Variants in VRK2 observed in about 807,000 individuals in gnomAD.
The protein encoded by VRK2 is VRK serine/threonine kinase 2.
A neutral mutation model predicts 57.6 loss-of-function variants in VRK2; 60 were observed. The ratio of observed to expected loss-of-function variants is 1.04; its 90% CI spans 0.85 to 1.29. VRK2 has a LOEUF of 1.29. Among genes scored for constraint, VRK2 ranks in the 50% most tolerant of loss-of-function variants. The pLI is 0.00. For synonymous variants in VRK2, 231 were observed against 199.2 expected (o/e 1.16, Z -1.35); for missense variants, 705 against 588.1 (o/e 1.20, Z -2.06).
intron 12 of VRK2, among the ~76,000 whole-genome samples, chr2:58,156,695 C>T (rs1216598665): frequency 1.3e-5 from 2 of 151,942 alleles, no homozygotes; most frequent in Non-Finnish European, 2.9e-5. Flanking sequence ...CTGTATTTTT[C>T]AGTTCCACAA....
At chr2:58,013,952 T>G (rs182060386) in intron 1 of VRK2, among the ~76,000 whole-genome samples, 6 of 152,194 alleles carry the variant, frequency 3.9e-5, no homozygotes, top group Admixed American at 2.0e-4. Context: ...CTGCAAAATT[T>G]TGTTAATTTA....
At chr2:58,114,371 G>A (rs1220593926) in intron 7 of VRK2, among the ~76,000 whole-genome samples, 2 of 152,062 alleles carry the variant, frequency 1.3e-5, no homozygotes, top group African/African-American at 4.8e-5. Flanking sequence ...GGGCATGTAT[G>A]AGTAGTTGAG....
At chr2:58,063,648 A>G (rs892776735) in intron 2 of VRK2, among the ~76,000 whole-genome samples, 2 of 152,068 alleles carry the variant, frequency 1.3e-5, no homozygotes, top group African/African-American at 4.8e-5. Context: ...GTACAAGGAG[A>G]TTAATGTTGT....
intron 1 of VRK2, among the ~76,000 whole-genome samples, chr2:57,988,182 C>A (rs986815088): frequency 6.6e-6 from 1 of 152,122 alleles, no homozygotes; most frequent in Admixed American, 6.5e-5. Context: ...TTAAAAAAAA[C>A]TCATTTCATT....
At chr2:58,112,883 T>G (rs1675783599) in intron 7 of VRK2, among the ~76,000 whole-genome samples, 1 of 152,184 alleles carries the variant, frequency 6.6e-6, no homozygotes, top group African/African-American at 2.4e-5. Context: ...ATAAAGTCTT[T>G]TAGGTAATCT....
chr2:58,119,203 A>C (rs1382114795), intron 7 of VRK2, among the ~76,000 whole-genome samples: 1 of 151,960 alleles, frequency 6.6e-6, no homozygotes, highest in East Asian at 1.9e-4. Context: ...AGTTTCCTTT[A>C]ATTTAAAGTT....
At chr2:58,136,330 A>T (rs1325100173) in intron 10 of VRK2, among the ~76,000 whole-genome samples, 1 of 151,800 alleles carries the variant, frequency 6.6e-6, no homozygotes, top group Non-Finnish European at 1.5e-5. Flanking sequence ...TGTTTTCATA[A>T]TTGTCAATAA....
In VRK2 at chr2:58,139,632, G is replaced by A. The variant is rs2104606827; in HGVS notation, c.857-34G>A. On this transcript the variant is annotated intron_variant, in intron 10 of 12. Coordinates refer to ENST00000340157, the MANE Select transcript of VRK2 (RefSeq NM_006296.7). ...GGAGTCTTGACAATTCTTGCCAATT[G>A]TGAATGACATGTAAAAAATTTAATA... 3 of 1,591,424 alleles carry A rather than the reference G, an allele frequency of 1.9e-6. No individual in the cohort carries two copies. The East Asian group carries it at 6.7e-5, about 36-fold the overall frequency.
chr2:58,049,095 C>T (rs985536205), intron 2 of VRK2, 128 bp downstream of exon 2: 14 of 1,183,562 alleles, frequency 1.2e-5, no homozygotes, highest in Middle Eastern at 2.6e-4. Flanking sequence ...TGATTGTACT[C>T]GATTAAGTAA....
At chr2:57,911,343 A>G (rs762073293) in intron 1 of VRK2, among the ~76,000 whole-genome samples, 3 of 152,274 alleles carry the variant, frequency 2.0e-5, no homozygotes, top group Admixed American at 6.5e-5. Flanking sequence ...GGTTAAATAC[A>G]TTTGGGAAAC....
chr2:58,046,957 G>C, intron 1 of VRK2, 89 bp downstream of exon 1: 2 of 985,502 alleles, frequency 2.0e-6, no homozygotes, highest in Non-Finnish European at 2.4e-6. Flanking sequence ...AAGGGCTGCC[G>C]TCGGAGTTAG....
At chr2:58,100,398 A>G (rs1274578028) in intron 7 of VRK2, among the ~76,000 whole-genome samples, 1 of 151,938 alleles carries the variant, frequency 6.6e-6, no homozygotes, top group East Asian at 1.9e-4. Flanking sequence ...GAATAGTGTT[A>G]TATATTTTAG....
Position 57,923,248 on chromosome 2 carries a change from T to C in VRK2, c.-439+15409T>C, listed in dbSNP as rs72945347. On this transcript the variant is annotated intron_variant, in intron 1 of 15. Transcript: ENST00000417641. ...TTGGGATATATACCTAGCTGTGAGA[T>C]TGCTGGATCATATGGTAGCTCTATT... is the stretch of plus-strand genomic sequence containing the variant. Among the ~76,000 whole-genome samples, 439 of 152,136 alleles carry C rather than the reference T, an allele frequency of 2.9e-3. 4 individuals are homozygous for C. Among genetic ancestry groups the C allele is most frequent in the African/African-American group, 1.0e-2 (414 of 41,540 alleles).
chr2:58,016,804 G>A (rs1673597438), intron 1 of VRK2, among the ~76,000 whole-genome samples: 1 of 152,120 alleles, frequency 6.6e-6, no homozygotes, highest in Admixed American at 6.5e-5. Context: ...CTGTTTCTTG[G>A]AATAAATCTG....
chr2:58,058,868 T>A (rs1207123940), intron 2 of VRK2, among the ~76,000 whole-genome samples: 1 of 152,034 alleles, frequency 6.6e-6, no homozygotes, highest in African/African-American at 2.4e-5. Flanking sequence ...TCTTCTATAT[T>A]TGGACTCTGG....
At chr2:57,989,766 C>A (rs1158732659) in intron 1 of VRK2, among the ~76,000 whole-genome samples, 1 of 152,140 alleles carries the variant, frequency 6.6e-6, no homozygotes, top group Non-Finnish European at 1.5e-5. Context: ...TAAATAGATT[C>A]ATCCAATTTT....
At chr2:58,085,174 A>C (rs757083351) in intron 4 of VRK2, among the ~76,000 whole-genome samples, 2 of 151,962 alleles carry the variant, frequency 1.3e-5, no homozygotes, top group African/African-American at 2.4e-5. Flanking sequence ...AGTTGTTTCT[A>C]CTACTTTACA....
At position 57,940,739 on chromosome 2, in the gene VRK2, C is replaced by T. The variant is rs965389550; in HGVS notation, c.-439+32900C>T. 5.9e-5 allele frequency among the ~76,000 whole-genome samples: 9 copies of T among 151,992 alleles called. No homozygotes were observed. The East Asian group carries it at 1.3e-3, about 23-fold the overall frequency. The stretch of plus-strand genomic sequence containing the variant: ...CTGCTACTTACTTCAACTAAAGAAA[C>T]AATTAAAACTCAACTTCTGTTCTCA... On this transcript the variant is annotated intron_variant, in intron 1 of 15. Transcript: ENST00000417641.
chr2:58,056,741 G>C (rs1442503098), intron 2 of VRK2, among the ~76,000 whole-genome samples: 1 of 152,136 alleles, frequency 6.6e-6, no homozygotes, highest in Non-Finnish European at 1.5e-5. Context: ...TAGTAGTGTG[G>C]TGGCATGTGA....
Sources: allele counts gnomAD v4.1 joint callset (sites outside exome capture counted in the v4.1 genomes callset), GRCh38; gene constraint gnomAD v4.1.1; transcripts MANE v1.5; gene names NCBI Gene and HGNC (gene_info 2026-07-23, HGNC 2026-07-21).